The following DHRSX variants were observed in gnomAD, a reference collection of about 807,000 sequenced individuals.
DHRSX encodes dehydrogenase/reductase X-linked.
Under a neutral mutation model 34.0 loss-of-function variants are expected in DHRSX, and 31 were observed. The ratio of observed to expected loss-of-function variants is 0.91; its 90% CI spans 0.69 to 1.23. DHRSX has a LOEUF of 1.23. Ranked by LOEUF, DHRSX falls within the 50% of genes most tolerant of loss-of-function variation. The pLI, the probability that DHRSX is intolerant of heterozygous loss-of-function variation, is 0.00. For missense variants in DHRSX, 414 were observed against 428.1 expected (o/e 0.97, Z 0.29); for synonymous variants, 201 against 183.8 (o/e 1.09, Z -0.76).
At chrX:2,470,981 G>C (rs1183279644) in intron 1 of DHRSX, among the ~76,000 whole-genome samples, 1 of 129,376 alleles carries the variant, frequency 7.7e-6, no homozygotes, top group East Asian at 2.1e-4. Context: ...TAATATGTTA[G>C]TTAATGTGAT....
chrX:2,397,613 T>G (rs941738983), intron 3 of DHRSX, among the ~76,000 whole-genome samples: 1 of 146,436 alleles, frequency 6.8e-6, no homozygotes, highest in Non-Finnish European at 1.5e-5. Flanking sequence ...AGGGTAGAGA[T>G]AACTCCCTCC....
At chrX:2,347,999 G>A (rs1399331370) in intron 3 of DHRSX, among the ~76,000 whole-genome samples, 1 of 152,124 alleles carries the variant, frequency 6.6e-6, no homozygotes. Flanking sequence ...ACACCCATGC[G>A]TTCTGGCAGT....
At position 2,406,341 on chromosome X, in the gene DHRSX, C is replaced by A. The variant is rs766990031; in HGVS notation, c.286+2404G>T. Among the ~76,000 whole-genome samples the A allele has an allele frequency of 3.3e-5, 5 of 152,136 alleles. No homozygotes were observed. In the East Asian group the frequency reaches 9.7e-4, roughly 29 times the overall value. ...AGAAAAGGTACTCAACATCACTAAT[C>A]ATCAGGGAAATGCAAATGAAAACCA... On this transcript the variant is annotated intron_variant, in intron 3 of 6. Coordinates refer to ENST00000334651, the MANE Select transcript of DHRSX (RefSeq NM_145177.3).
At chrX:2,463,957 AT>A (rs2044440423) in intron 1 of DHRSX, among the ~76,000 whole-genome samples, 1 of 152,170 alleles carries the variant, frequency 6.6e-6, no homozygotes, top group Non-Finnish European at 1.5e-5. Flanking sequence ...TTCGGAAAGC[AT>A]GTGGCCAAAG....
chrX:2,256,515 C>T (rs1323451490), intron 5 of DHRSX, among the ~76,000 whole-genome samples: 5 of 151,966 alleles, frequency 3.3e-5, no homozygotes, highest in Non-Finnish European at 5.9e-5. Flanking sequence ...AGGCTGGTCT[C>T]GAACTCCTGA....
chrX:2,480,174 A>G (rs1569505516), intron 1 of DHRSX, among the ~76,000 whole-genome samples: 3 of 152,220 alleles, frequency 2.0e-5, no homozygotes, highest in East Asian at 1.9e-4. Context: ...ACAATGGAAT[A>G]GTATGCAGCC....
intron 3 of DHRSX, among the ~76,000 whole-genome samples, chrX:2,361,260 A>G (rs1198784590): frequency 6.6e-6 from 1 of 151,938 alleles, no homozygotes; most frequent in Non-Finnish European, 1.5e-5. Flanking sequence ...ACAGGCGCCC[A>G]CCACCACACC....
At chrX:2,321,101 T>C (rs1240816645) in intron 3 of DHRSX, among the ~76,000 whole-genome samples, 1 of 152,126 alleles carries the variant, frequency 6.6e-6, no homozygotes, top group Non-Finnish European at 1.5e-5. Flanking sequence ...TTCCTGGGCT[T>C]GTGGCGTGGC....
intron 1 of DHRSX, among the ~76,000 whole-genome samples, chrX:2,434,070 GC>G (rs2043963591): frequency 6.6e-6 from 1 of 152,088 alleles, no homozygotes; most frequent in Admixed American, 6.6e-5. Flanking sequence ...GAGCCACCGC[GC>G]CCGGTCTATA....
intron 5 of DHRSX, among the ~76,000 whole-genome samples, chrX:2,257,828 T>C (rs999223187): frequency 2.0e-5 from 3 of 152,100 alleles, no homozygotes; most frequent in African/African-American, 7.2e-5. Context: ...GGTTTCACCG[T>C]GTTGTCCAGG....
intron 3 of DHRSX, among the ~76,000 whole-genome samples, chrX:2,366,538 C>T (rs2042996266): frequency 6.6e-6 from 1 of 152,072 alleles, no homozygotes; most frequent in African/African-American, 2.4e-5. Context: ...CATCAATATA[C>T]AACCAGGGTA....
At chrX:2,300,826 AG>A (rs1330861276) in intron 3 of DHRSX, among the ~76,000 whole-genome samples, 5 of 152,108 alleles carry the variant, frequency 3.3e-5, no homozygotes, top group Non-Finnish European at 7.3e-5. Flanking sequence ...TGGCCAACAC[AG>A]GGTGCATCCC....
intron 3 of DHRSX, among the ~76,000 whole-genome samples, chrX:2,335,127 G>A (rs891564960): frequency 4.6e-5 from 7 of 151,168 alleles, no homozygotes; most frequent in East Asian, 2.0e-4. Context: ...GGAGGTTGCA[G>A]TGAGCCGAGA....
At chrX:2,438,512 A>T (rs1569501320) in intron 1 of DHRSX, among the ~76,000 whole-genome samples, 1 of 151,918 alleles carries the variant, frequency 6.6e-6, no homozygotes, top group Non-Finnish European at 1.5e-5. Flanking sequence ...CTCTACTAAA[A>T]ATTAAAAAAT....
intron 3 of DHRSX, among the ~76,000 whole-genome samples, chrX:2,298,086 T>A (rs1224295339): frequency 6.6e-6 from 1 of 152,082 alleles, no homozygotes. Context: ...GGAACAGGCA[T>A]GCTTGAGACA....
At chrX:2,471,703 A>G (rs1228538741) in intron 1 of DHRSX, among the ~76,000 whole-genome samples, 1 of 152,158 alleles carries the variant, frequency 6.6e-6, no homozygotes, top group African/African-American at 2.4e-5. Flanking sequence ...ATCACTCCAC[A>G]GTTTCCCGGA....
chrX:2,309,115 A>G (rs1358119458), intron 3 of DHRSX, among the ~76,000 whole-genome samples: 1 of 152,140 alleles, frequency 6.6e-6, no homozygotes, highest in Non-Finnish European at 1.5e-5. Flanking sequence ...TCCCAATTCA[A>G]TCAAGGAAAT....
At chrX:2,435,424 T>A (rs2043979921) in intron 1 of DHRSX, among the ~76,000 whole-genome samples, 2 of 150,066 alleles carry the variant, frequency 1.3e-5, no homozygotes, top group Non-Finnish European at 1.5e-5. Flanking sequence ...CAACTGCTTA[T>A]AAATCTACAA....
chrX:2,298,606 A>ACACACACACACACACACACACACACG (rs2041966036), intron 3 of DHRSX, among the ~76,000 whole-genome samples: 4 of 48,408 alleles, frequency 8.3e-5, no homozygotes, highest in African/African-American at 2.3e-4. Flanking sequence ...GTGTGTACAC[A>ACACACACACACACACACACACACACG]CACACACACA....
Sources: gnomAD v4.1 joint callset for allele counts (sites outside exome capture counted in the v4.1 genomes callset) on GRCh38, gnomAD v4.1.1 for gene constraint, MANE v1.5 for transcripts, NCBI Gene and HGNC (gene_info 2026-07-23, HGNC 2026-07-21) for gene names.